LPGAT1: variants seen among roughly 807,000 people sequenced by gnomAD.
LPGAT1 encodes acyl-CoA:lysophosphatidylglycerol acyltransferase 1.
A neutral mutation model predicts 47.5 loss-of-function variants in LPGAT1; 11 were observed. That is an observed-to-expected ratio of 0.23 (90% CI 0.15 to 0.38). The LOEUF is 0.38. LPGAT1 is among the 10% of genes least tolerant of loss of function. The pLI is 1.00. For missense variants in LPGAT1, 293 were observed against 439.0 expected (o/e 0.67, Z 2.97); for synonymous variants, 138 against 144.2 (o/e 0.96, Z 0.31).
Position 211,750,057 on chromosome 1 carries a change from G to C in LPGAT1, c.962-7C>G, listed in dbSNP as rs1011634483. On this transcript the variant is annotated splice_polypyrimidine_tract_variant and splice_region_variant and intron_variant, in intron 7 of 7. Coordinates refer to ENST00000366997, the MANE Select transcript of LPGAT1 (RefSeq NM_014873.3). ...TTGGAAGGTGGAAAAGCTCCTAAAAGACAAGATAGAAATATTAGTTTGTTT... is the reference window on the plus strand; with the variant it reads ...TTGGAAGGTGGAAAAGCTCCTAAAACACAAGATAGAAATATTAGTTTGTTT... The C allele has an allele frequency of 6.2e-7, 1 of 1,609,524 alleles. No individual in the cohort carries two copies. Among genetic ancestry groups the C allele is most frequent in the Admixed American group, 1.7e-5 (1 of 58,336 alleles).
chr1:211,781,436 C>T (rs972592524), intron 5 of LPGAT1, among the ~76,000 whole-genome samples: 2 of 152,186 alleles, frequency 1.3e-5, no homozygotes, highest in Non-Finnish European at 2.9e-5. Flanking sequence ...GGCTCGGCTG[C>T]CATTGCCACA....
At chr1:211,791,039 T>C (rs1044677777) in intron 3 of LPGAT1, among the ~76,000 whole-genome samples, 2 of 152,182 alleles carry the variant, frequency 1.3e-5, no homozygotes, top group African/African-American at 2.4e-5. Flanking sequence ...AGGCAATAAA[T>C]ATTATTATAA....
chr1:211,760,458 C>A (rs1180260016), intron 6 of LPGAT1, among the ~76,000 whole-genome samples: 1 of 152,106 alleles, frequency 6.6e-6, no homozygotes, highest in Non-Finnish European at 1.5e-5. Context: ...TCCGTCCCCC[C>A]AACCCCCCTC....
At chr1:211,800,239 G>T (rs1407998185) in intron 2 of LPGAT1, among the ~76,000 whole-genome samples, 1 of 142,350 alleles carries the variant, frequency 7.0e-6, no homozygotes. Context: ...GTTTCATCAT[G>T]TTGGACAGGT....
At chr1:211,808,657 T>C (rs1175823186) in intron 2 of LPGAT1, among the ~76,000 whole-genome samples, 3 of 152,168 alleles carry the variant, frequency 2.0e-5, no homozygotes, top group East Asian at 3.9e-4. Context: ...AGAAAAGAGT[T>C]TGGCAGTTTC....
At chr1:211,761,033 G>A (rs988599053) in intron 6 of LPGAT1, among the ~76,000 whole-genome samples, 23 of 151,998 alleles carry the variant, frequency 1.5e-4, no homozygotes, top group African/African-American at 5.3e-4. Context: ...CCTATGTAGC[G>A]CTTTTTTAAC....
At chr1:211,824,853 C>T (rs923578873) in intron 2 of LPGAT1, among the ~76,000 whole-genome samples, 1 of 152,078 alleles carries the variant, frequency 6.6e-6, no homozygotes, top group Non-Finnish European at 1.5e-5. Context: ...CTAAAAATTA[C>T]TTTTTGTCAC....
chr1:211,779,304 A>G (rs1035236581), intron 5 of LPGAT1, among the ~76,000 whole-genome samples: 21 of 152,306 alleles, frequency 1.4e-4, no homozygotes, highest in African/African-American at 4.1e-4. Flanking sequence ...ATCTGATACA[A>G]TTATGCACTA....
chr1:211,804,496 T>C (rs575587774), intron 2 of LPGAT1, among the ~76,000 whole-genome samples: 11 of 152,194 alleles, frequency 7.2e-5, no homozygotes, highest in Non-Finnish European at 1.5e-4. Context: ...TATCCAGGGA[T>C]AAGAAAACAC....
intron 6 of LPGAT1, among the ~76,000 whole-genome samples, chr1:211,777,612 T>A (rs1658457571): frequency 6.6e-6 from 1 of 152,232 alleles, no homozygotes; most frequent in African/African-American, 2.4e-5. Flanking sequence ...TACTGTTGTT[T>A]ATGCAAATGA....
intron 6 of LPGAT1, among the ~76,000 whole-genome samples, chr1:211,752,588 G>A (rs955890627): frequency 3.3e-5 from 5 of 152,126 alleles, no homozygotes; most frequent in African/African-American, 1.2e-4. Flanking sequence ...AGACCAGATG[G>A]TACAAAAGAC....
chr1:211,753,931 CT>C (rs1314739527), intron 6 of LPGAT1, among the ~76,000 whole-genome samples: 4 of 152,178 alleles, frequency 2.6e-5, no homozygotes, highest in Admixed American at 6.6e-5. Flanking sequence ...AAATTGGTCT[CT>C]TCTCTTAAAC....
chr1:211,814,208 A>AC (rs1660094159), intron 2 of LPGAT1, among the ~76,000 whole-genome samples: 1 of 152,150 alleles, frequency 6.6e-6, no homozygotes, highest in South Asian at 2.1e-4. Flanking sequence ...TGGATTCCTG[A>AC]CCCCCTGAGA....
chr1:211,756,237 A>T (rs1444512974), intron 6 of LPGAT1, among the ~76,000 whole-genome samples: 1 of 152,212 alleles, frequency 6.6e-6, no homozygotes, highest in Non-Finnish European at 1.5e-5. Flanking sequence ...CTCCGTCTCA[A>T]AAAAAACCAA....
intron 2 of LPGAT1, among the ~76,000 whole-genome samples, chr1:211,800,243 G>A (rs180955803): frequency 6.7e-6 from 1 of 150,098 alleles, no homozygotes; most frequent in African/African-American, 2.4e-5. Context: ...CATCATGTTG[G>A]ACAGGTTGGT....
At chr1:211,799,454 C>T (rs1406416184) in intron 2 of LPGAT1, among the ~76,000 whole-genome samples, 1 of 152,162 alleles carries the variant, frequency 6.6e-6, no homozygotes, top group Non-Finnish European at 1.5e-5. Flanking sequence ...AGGTTAAGCA[C>T]TGTTTTCAAA....
chr1:211,783,432 T>C lies in LPGAT1; in HGVS notation c.524A>G (p.Asp175Gly). Residue 175 changes from aspartate (D) to glycine (G), a missense_variant, in exon 5 of 8, where the codon GAT becomes GGT. Coordinates refer to ENST00000366997, the MANE Select transcript of LPGAT1 (RefSeq NM_014873.3). Reference sequence around the variant, plus strand: ...TGGAAACAAAACAATCCATTTTCGATCTCTGCTCCTGTAATTATTTTCTAA... The same window carrying C: ...TGGAAACAAAACAATCCATTTTCGACCTCTGCTCCTGTAATTATTTTCTAA... ...KHLENNYRSR[D>G]RKWIVLFPEG... 1 of 1,614,168 alleles carries C rather than the reference T, an allele frequency of 6.2e-7. No individual in the cohort carries two copies. The highest frequency in any genetic ancestry group is 8.5e-7 in the Non-Finnish European group (1 of 1,180,032).
At chr1:211,766,105 CAGTT>C (rs1464020968) in intron 6 of LPGAT1, among the ~76,000 whole-genome samples, 2 of 152,122 alleles carry the variant, frequency 1.3e-5, no homozygotes, top group East Asian at 1.9e-4. Flanking sequence ...GGGACTTACA[CAGTT>C]AGTACCCCAA....
At chr1:211,765,399 T>G (rs1657866471) in intron 6 of LPGAT1, among the ~76,000 whole-genome samples, 1 of 152,208 alleles carries the variant, frequency 6.6e-6, no homozygotes, top group African/African-American at 2.4e-5. Flanking sequence ...TCCTTCCATT[T>G]CTCAGATTCA....
Sources: gnomAD v4.1 joint callset for allele counts (sites outside exome capture counted in the v4.1 genomes callset) on GRCh38, gnomAD v4.1.1 for gene constraint, MANE v1.5 for transcripts, NCBI Gene and HGNC (gene_info 2026-07-23, HGNC 2026-07-21) for gene names.